CRNKL1: variants seen among roughly 807,000 people sequenced by gnomAD.
The protein encoded by CRNKL1 is crooked neck pre-mRNA splicing factor 1.
A neutral mutation model predicts 103.7 loss-of-function variants in CRNKL1; 35 were observed. That is an observed-to-expected ratio of 0.34 (90% CI 0.26 to 0.45). The LOEUF (loss-of-function observed/expected upper bound fraction) is 0.45, where lower values mean the gene tolerates loss of function less well. Ranked by LOEUF, CRNKL1 falls within the 20% of genes least tolerant of loss-of-function variation. CRNKL1 has a pLI of 1.00. For synonymous variants in CRNKL1, 267 were observed against 282.6 expected, an observed-to-expected ratio of 0.94 and a Z score of 0.55; for missense variants, 645 against 836.0, an observed-to-expected ratio of 0.77 and a Z score of 2.82.
At chr20:20,052,259 C>G (rs1430893983) in intron 1 of CRNKL1, 33 bp downstream of exon 1, 1 of 1,573,810 alleles carries the variant, frequency 6.4e-7, no homozygotes, top group African/African-American at 1.3e-5. Context: ...CTTTCCTAGG[C>G]CACCTCCTAC....
chr20:20,055,507 A>C (rs1360915001), upstream of CRNKL1, among the ~76,000 whole-genome samples: 2 of 152,222 alleles, frequency 1.3e-5, no homozygotes, highest in Non-Finnish European at 2.9e-5. Flanking sequence ...AGTGAGGTCC[A>C]TTCTATCCCC....
rs117521727 is a variant in CRNKL1, at chr20:20,044,580, C to T, written c.801+728G>A. On this transcript the variant is annotated intron_variant, in intron 6 of 13. Coordinates refer to ENST00000536226, the MANE Select transcript of CRNKL1 (RefSeq NM_001278628.2). ...TTTGGATTTTCAGACTGGGAATGCT[C>T]AAACCTGTATTTGGATGGATCTCAA... Among the ~76,000 whole-genome samples, 13 of 152,292 alleles carry T rather than the reference C, an allele frequency of 8.5e-5. No homozygotes were observed. The East Asian group carries it at 1.9e-3, about 23-fold the overall frequency.
chr20:20,050,429 T>G (rs1404908432), intron 2 of CRNKL1, 41 bp downstream of exon 2: 2 of 1,587,216 alleles, frequency 1.3e-6, no homozygotes, highest in Non-Finnish European at 1.7e-6. Context: ...ACCGATACAG[T>G]CTTAACAATT....
chr20:20,037,291 T>C (rs758150611), intron 13 of CRNKL1, 32 bp downstream of exon 13: 15 of 1,599,482 alleles, frequency 9.4e-6, no homozygotes, highest in Middle Eastern at 1.7e-4. Flanking sequence ...TCATGTGACG[T>C]GAGATGAACA....
At chr20:20,037,862 G>C (rs1489030602) in intron 12 of CRNKL1, among the ~76,000 whole-genome samples, 2 of 152,172 alleles carry the variant, frequency 1.3e-5, no homozygotes, top group Non-Finnish European at 2.9e-5. Flanking sequence ...GCTGAGGTGG[G>C]CAGATCACGA....
At chr20:20,046,555 C>T (rs1029042089) in intron 5 of CRNKL1, among the ~76,000 whole-genome samples, 13 of 152,158 alleles carry the variant, frequency 8.5e-5, no homozygotes, top group African/African-American at 2.4e-4. Context: ...CTAGGAGAAA[C>T]GTGTATATAT....
In CRNKL1 at chr20:20,050,355, G is replaced by A. The variant is rs975397245; in HGVS notation, c.204+115C>T. On this transcript the variant is annotated intron_variant, in intron 2 of 13. Coordinates refer to ENST00000536226, the MANE Select transcript of CRNKL1 (RefSeq NM_001278628.2). ...GTAACCAGAAGTACATTATTCATGC[G>A]TCTGGAAACACTTAACCTCATCTTG... 92 of 816,512 alleles carry A rather than the reference G, an allele frequency of 1.1e-4. 1 individual carries two copies. In the South Asian group the frequency reaches 1.4e-3, roughly 13 times the overall value. The allele number at this position is 816,512 out of a possible 1,614,324, so 50.6% of individuals were successfully genotyped here.
intron 8 of CRNKL1, 144 bp downstream of exon 8, chr20:20,042,181 A>G: frequency 1.5e-6 from 1 of 677,230 alleles, no homozygotes; most frequent in Non-Finnish European, 2.3e-6. Flanking sequence ...GAGCGAATAT[A>G]TAACTGTATG....
chr20:20,042,195 G>C, intron 8 of CRNKL1, 130 bp downstream of exon 8: 3 of 785,640 alleles, frequency 3.8e-6, no homozygotes, highest in Non-Finnish European at 5.8e-6. Flanking sequence ...CTGTATGGAT[G>C]AACAGAAGCC....
chr20:20,036,216 G>T lies in CRNKL1; in HGVS notation c.2043C>A (p.Asp681Glu), dbSNP rs138573899. Residue 681 changes from aspartate (D) to glutamate (E), a missense_variant, in exon 14 of 14, where the codon GAC (aspartate) becomes GAA (glutamate). Transcript: ENST00000536226. Reference sequence around the variant, plus strand: ...AAGATCAGGATTCACTCTCATCGACGTCCTCATCTGGATGGTGCTCAGCAT... The same window carrying T: ...AAGATCAGGATTCACTCTCATCGACTTCCTCATCTGGATGGTGCTCAGCAT... ...KEDAEHHPDE[D>E]VDESES 3.1e-6 allele frequency: 5 copies of T among 1,613,900 alleles called. No homozygotes were observed. Among genetic ancestry groups the T allele is most frequent in the Non-Finnish European group, 4.2e-6 (5 of 1,179,948 alleles).
intron 11 of CRNKL1, among the ~76,000 whole-genome samples, chr20:20,038,801 G>C (rs2043464138): frequency 6.6e-6 from 1 of 152,188 alleles, no homozygotes; most frequent in Non-Finnish European, 1.5e-5. Context: ...AACAGGCCCA[G>C]GTTAGCCAGT....
At chr20:20,038,238 T>C in intron 12 of CRNKL1, 111 bp downstream of exon 12, 1 of 520,060 alleles carries the variant, frequency 1.9e-6, no homozygotes, top group Non-Finnish European at 3.3e-6. Flanking sequence ...AGGAAGTCAT[T>C]AAAAAAAAAA....
At chr20:20,048,594 T>G in intron 3 of CRNKL1, 93 bp from the exon 4 acceptor site, 7 of 1,328,610 alleles carry the variant, frequency 5.3e-6, no homozygotes, top group Non-Finnish European at 7.4e-6. Flanking sequence ...GATGTTTTAT[T>G]AGGTGTCTAC....
In CRNKL1 at chr20:20,042,445, G is replaced by A. The variant is rs146257632; in HGVS notation, c.1044C>T (p.Ala348=). 205 of 1,614,094 alleles carry A rather than the reference G, an allele frequency of 1.3e-4. 1 individual carries two copies. In the African/African-American group the frequency reaches 2.3e-3, roughly 18 times the overall value. ...RLVESDAEAE[A]VREVYERAIA... is the part of the protein sequence containing the mutation. ...TGGCCCTTTCATAGACTTCTCTCAC[G>A]GCTTCAGCTTCTGCGTCACTTTCTA... The change falls in exon 8 of 14, where the codon GCC becomes GCT. Residue 348 remains alanine, a synonymous_variant. Transcript: ENST00000536226.
chr20:20,056,030 C>T (rs778526045), upstream of CRNKL1: 1 of 1,587,676 alleles, frequency 6.3e-7, no homozygotes, highest in Non-Finnish European at 8.6e-7. Flanking sequence ...ATTCTCTTCC[C>T]AAAGAGTGTC....
chr20:20,038,898 C>T (rs867103759), intron 11 of CRNKL1, among the ~76,000 whole-genome samples: 4 of 152,254 alleles, frequency 2.6e-5, no homozygotes, highest in East Asian at 1.9e-4. Context: ...CGCACTGGCT[C>T]GGTGCAGCCT....
chr20:20,035,981 G>T lies in CRNKL1; in HGVS notation c.*214C>A. 1 of 514,162 alleles carries T rather than the reference G, an allele frequency of 1.9e-6. No homozygotes were observed. The allele number at this position is 514,162 out of a possible 1,614,324, so 31.8% of individuals were successfully genotyped here. A position where few individuals can be genotyped will look rare whatever the true frequency, so the allele number is the denominator to read the frequency against. On this transcript the variant is annotated 3_prime_UTR_variant, in exon 14 of 14. Transcript: ENST00000536226. Reference sequence around the variant, plus strand: ...CAGACATTAGAAAAGTTTGGACTCAGTTGGAAAAACAAATCCAGCAGTTAA... The same window carrying T: ...CAGACATTAGAAAAGTTTGGACTCATTTGGAAAAACAAATCCAGCAGTTAA...
At position 20,052,418 on chromosome 20, in the gene CRNKL1, C is replaced by A. The variant is rs1156229192; in HGVS notation, c.-76G>T. The A allele has an allele frequency of 1.2e-6, 2 of 1,614,236 alleles. No individual in the cohort carries two copies. Among genetic ancestry groups the A allele is most frequent in the Admixed American group, 3.3e-5 (2 of 60,032 alleles). Reference sequence around the variant, plus strand: ...ATCGGCTCTGAGAGCTCACCGAAACCACAAAGCTTTCAGAAAACAAACAGG... The same window carrying A: ...ATCGGCTCTGAGAGCTCACCGAAACAACAAAGCTTTCAGAAAACAAACAGG... On this transcript the variant is annotated 5_prime_UTR_variant, in exon 1 of 14. Coordinates refer to ENST00000536226, the MANE Select transcript of CRNKL1 (RefSeq NM_001278628.2).
In CRNKL1 at chr20:20,034,790, C is replaced by A. The variant is rs769620077; in HGVS notation, c.*1405G>T. 6.6e-6 allele frequency: 1 copy of A among 152,218 alleles called. No homozygotes were observed. The highest frequency in any genetic ancestry group is 2.4e-5 in the African/African-American group (1 of 41,458). 9.4% of individuals were successfully genotyped at this position (152,218 alleles called of 1,614,324 possible). On this transcript the variant is annotated 3_prime_UTR_variant, in exon 14 of 14. Transcript: ENST00000536226. ...CAACAGTCCTAGTTTCTTCTGTCCT[C>A]AAACACTGTTATTTATTTTCAAGAT...
Sources: allele counts gnomAD v4.1 joint callset (sites outside exome capture counted in the v4.1 genomes callset), GRCh38; gene constraint gnomAD v4.1.1; transcripts MANE v1.5; gene names NCBI Gene and HGNC (gene_info 2026-07-23, HGNC 2026-07-21).